Variants in OSMR observed in about 807,000 individuals in gnomAD.
OSMR encodes the protein oncostatin M receptor.
OSMR carries 81 observed loss-of-function variants against 99.9 expected under a neutral mutation model. The ratio of observed to expected loss-of-function variants is 0.81; its 90% CI spans 0.68 to 0.97. The LOEUF (loss-of-function observed/expected upper bound fraction) is 0.97. OSMR is among the 50% of genes least tolerant of loss of function. The probability of loss-of-function intolerance (pLI) is 0.00; values close to 1 mark genes in which losing one functional copy is unlikely to be tolerated. For synonymous variants in OSMR, 406 were observed against 410.4 expected (o/e 0.99, Z 0.13); for missense variants, 1,099 against 1,153.4 (o/e 0.95, Z 0.68).
At chr5:38,910,792 C>T (rs1364970052) in intron 9 of OSMR, among the ~76,000 whole-genome samples, 1 of 152,088 alleles carries the variant, frequency 6.6e-6, no homozygotes, top group African/African-American at 2.4e-5. Flanking sequence ...GGGCAGATCA[C>T]GAGGTCAGGA....
chr5:38,856,094 T>C (rs1404865997), intron 1 of OSMR, among the ~76,000 whole-genome samples: 1 of 152,168 alleles, frequency 6.6e-6, no homozygotes, highest in Non-Finnish European at 1.5e-5. Context: ...GTCCCATCCA[T>C]CAGGAAACAG....
At chr5:38,856,994 A>G (rs1740906700) in intron 1 of OSMR, among the ~76,000 whole-genome samples, 1 of 152,220 alleles carries the variant, frequency 6.6e-6, no homozygotes, top group African/African-American at 2.4e-5. Context: ...TACCCAAACC[A>G]TAGAAATACA....
rs545058580 is a variant in OSMR, at chr5:38,899,881, A to G, written c.992-4001A>G. On this transcript the variant is annotated intron_variant, in intron 7 of 17. Coordinates refer to ENST00000274276, the MANE Select transcript of OSMR (RefSeq NM_003999.3). ...GAGCTGTGCTGCCTGGGGTTGGAGC[A>G]GGGGTGGCACAAACACTCCCTTAGC... 4.6e-4 allele frequency among the ~76,000 whole-genome samples: 70 copies of G among 152,306 alleles called. 1 individual carries two copies. The highest frequency in any genetic ancestry group is 1.6e-3 in the Admixed American group (24 of 15,304).
chr5:38,933,207 C>T lies in OSMR; in HGVS notation c.2703C>T (p.Tyr901=), dbSNP rs1746858960. ...ENVLKALEKN[Y]MNSLGEIPAG... is the part of the protein sequence containing the mutation. ...TACTAAAGGCACTAGAAAAAAACTA[C>T]ATGAACTCCCTGGGAGAAATCCCAG... The change falls in exon 18 of 18, where the codon TAC becomes TAT. Residue 901 remains tyrosine (Y), a synonymous_variant. Coordinates refer to ENST00000274276, the MANE Select transcript of OSMR (RefSeq NM_003999.3). 2 of 1,614,072 alleles carry T rather than the reference C, an allele frequency of 1.2e-6. No individual in the cohort carries two copies. Among genetic ancestry groups the T allele is most frequent in the Admixed American group, 1.7e-5 (1 of 59,998 alleles).
intron 7 of OSMR, among the ~76,000 whole-genome samples, chr5:38,894,852 T>C (rs1050966464): frequency 2.0e-5 from 3 of 151,958 alleles, no homozygotes; most frequent in Non-Finnish European, 2.9e-5. Context: ...ACTGGACAAA[T>C]TGGGCTTAAA....
chr5:38,863,494 G>A (rs1342313616), intron 1 of OSMR, among the ~76,000 whole-genome samples: 5 of 151,766 alleles, frequency 3.3e-5, no homozygotes, highest in Non-Finnish European at 5.9e-5. Flanking sequence ...CTGAGATCGC[G>A]CCACTGCACT....
At chr5:38,860,600 T>C (rs1050242639) in intron 1 of OSMR, among the ~76,000 whole-genome samples, 2 of 152,146 alleles carry the variant, frequency 1.3e-5, no homozygotes, top group African/African-American at 4.8e-5. Context: ...TTAGAGAGAA[T>C]TTCCTCTCCT....
chr5:38,871,805 G>A (rs960483990), intron 2 of OSMR, among the ~76,000 whole-genome samples: 1 of 152,044 alleles, frequency 6.6e-6, no homozygotes, highest in Non-Finnish European at 1.5e-5. Flanking sequence ...TATGATGAGT[G>A]TTTTTCTTTG....
chr5:38,901,336 C>T (rs1744876178), intron 7 of OSMR, among the ~76,000 whole-genome samples: 1 of 152,182 alleles, frequency 6.6e-6, no homozygotes, highest in African/African-American at 2.4e-5. Context: ...TTTTGGTTAG[C>T]TAGCCATTTA....
Position 38,885,861 on chromosome 5 carries a change from C to A in OSMR, c.840-178C>A, listed in dbSNP as rs551791349. 1.7e-4 allele frequency: 171 copies of A among 984,750 alleles called. 1 individual carries two copies. The South Asian group carries it at 7.2e-3, about 42-fold the overall frequency. 61.0% of individuals were successfully genotyped at this position (984,750 alleles called of 1,614,324 possible). ...TGTTAAGACATTTCAGCACGTATGT[C>A]AAATTTGTAGAAACAATATTTTCGT... is the stretch of plus-strand genomic sequence containing the variant. On this transcript the variant is annotated intron_variant, in intron 6 of 17. Transcript: ENST00000274276.
At chr5:38,929,976 C>T (rs1278004719) in intron 15 of OSMR, among the ~76,000 whole-genome samples, 1 of 152,162 alleles carries the variant, frequency 6.6e-6, no homozygotes, top group Non-Finnish European at 1.5e-5. Context: ...CTCCTGTCTC[C>T]TCGTTTTCTC....
chr5:38,847,780 G>A (rs1406331759), intron 1 of OSMR, among the ~76,000 whole-genome samples: 1 of 152,160 alleles, frequency 6.6e-6, no homozygotes, highest in Non-Finnish European at 1.5e-5. Context: ...TTGCCTCCTT[G>A]TGACTTACAT....
At chr5:38,914,859 G>A (rs574650854) in intron 9 of OSMR, among the ~76,000 whole-genome samples, 9 of 152,228 alleles carry the variant, frequency 5.9e-5, no homozygotes, top group East Asian at 1.9e-4. Context: ...GGGGGCAAGC[G>A]TTGAAAAACT....
Position 38,913,309 on chromosome 5 carries a change from G to T in OSMR, c.1286-4237G>T, listed in dbSNP as rs357249. 6.8e-3 allele frequency among the ~76,000 whole-genome samples: 1,041 copies of T among 152,128 alleles called. 16 individuals carry two copies. Among genetic ancestry groups the T allele is most frequent in the African/African-American group, 0.024 (1,009 of 41,494 alleles). On this transcript the variant is annotated intron_variant, in intron 9 of 17. Coordinates refer to ENST00000274276, the MANE Select transcript of OSMR (RefSeq NM_003999.3). The stretch of plus-strand genomic sequence containing the variant: ...TCATGCCTGTAATCCCAGCACTTTG[G>T]GAGGCCGAGGCAGGAGAATCACGAG...
intron 4 of OSMR, among the ~76,000 whole-genome samples, chr5:38,882,524 T>G (rs1296347374): frequency 2.0e-5 from 3 of 151,844 alleles, no homozygotes; most frequent in Non-Finnish European, 1.5e-5. Flanking sequence ...GCAGTGAGCC[T>G]AGATTACACC....
intron 1 of OSMR, among the ~76,000 whole-genome samples, chr5:38,847,542 T>G (rs1739959192): frequency 6.6e-6 from 1 of 152,184 alleles, no homozygotes; most frequent in Admixed American, 6.5e-5. Context: ...GTCTCTCTCC[T>G]GGGCTGCTTT....
At chr5:38,908,107 G>T (rs184007337) in intron 9 of OSMR, among the ~76,000 whole-genome samples, 98 of 152,140 alleles carry the variant, frequency 6.4e-4, no homozygotes, top group Middle Eastern at 3.4e-3. Flanking sequence ...CTACCCCTGT[G>T]CTGCCACTGT....
At chr5:38,893,964 C>CTA (rs1175198614) in intron 7 of OSMR, among the ~76,000 whole-genome samples, 1 of 152,162 alleles carries the variant, frequency 6.6e-6, no homozygotes, top group African/African-American at 2.4e-5. Context: ...CCCCATCAGG[C>CTA]TAACAGTGGA....
chr5:38,898,997 G>T (rs1488712504), intron 7 of OSMR, among the ~76,000 whole-genome samples: 2 of 109,338 alleles, frequency 1.8e-5, no homozygotes, highest in East Asian at 5.5e-4. Context: ...CACCTGCTCT[G>T]TTGCCCAGGC....
Sources: gnomAD v4.1 joint callset for allele counts (sites outside exome capture counted in the v4.1 genomes callset) on GRCh38, gnomAD v4.1.1 for gene constraint, MANE v1.5 for transcripts, NCBI Gene and HGNC (gene_info 2026-07-23, HGNC 2026-07-21) for gene names.